The following CNTNAP4 variants were observed in gnomAD, a reference collection of about 807,000 sequenced individuals.
CNTNAP4 encodes the protein contactin-associated protein-like 4.
A neutral mutation model predicts 148.4 loss-of-function variants in CNTNAP4; 98 were observed. The ratio of observed to expected loss-of-function variants is 0.66; its 90% CI spans 0.56 to 0.78. CNTNAP4 has a LOEUF of 0.78. Among genes scored for constraint, CNTNAP4 ranks in the 30% least tolerant of loss-of-function variants. The pLI is 0.00. For missense variants in CNTNAP4, 1,935 were observed against 1,565.6 expected, an observed-to-expected ratio of 1.24 and a Z score of -3.98; for synonymous variants, 730 against 565.1, an observed-to-expected ratio of 1.29 and a Z score of -4.14.
chr16:76,414,029 A>G (rs62051227), intron 3 of CNTNAP4, among the ~76,000 whole-genome samples: 52,855 of 150,978 alleles, frequency 0.35, 10,887 homozygotes, highest in Non-Finnish European at 0.44. Context: ...TTCCTTTCCA[A>G]TCCTACTACC....
intron 8 of CNTNAP4, among the ~76,000 whole-genome samples, chr16:76,453,628 A>G (rs1597593361): frequency 6.6e-6 from 1 of 152,172 alleles, no homozygotes; most frequent in Admixed American, 6.5e-5. Context: ...CTACTCCTCT[A>G]TATTAAGTAT....
intron 21 of CNTNAP4, among the ~76,000 whole-genome samples, chr16:76,549,542 A>G (rs2084876007): frequency 6.6e-6 from 1 of 152,206 alleles, no homozygotes; most frequent in South Asian, 2.1e-4. Context: ...AACTAAACCA[A>G]AATGATTTTC....
chr16:76,451,510 A>T (rs921162172), intron 7 of CNTNAP4, among the ~76,000 whole-genome samples: 17 of 152,266 alleles, frequency 1.1e-4, no homozygotes, highest in Middle Eastern at 6.8e-3. Context: ...GGTGGTATTT[A>T]TATGACCACA....
intron 17 of CNTNAP4, among the ~76,000 whole-genome samples, chr16:76,531,439 G>T (rs928136234): frequency 2.0e-5 from 3 of 152,126 alleles, no homozygotes; most frequent in African/African-American, 7.2e-5. Flanking sequence ...TGCATAAGTG[G>T]ACAGGTTCAG....
At chr16:76,278,721 C>T (rs1273883482) in intron 1 of CNTNAP4, among the ~76,000 whole-genome samples, 1 of 152,122 alleles carries the variant, frequency 6.6e-6, no homozygotes, top group African/African-American at 2.4e-5. Flanking sequence ...GAGGCCTGTC[C>T]AGGAATTTAT....
intron 15 of CNTNAP4, among the ~76,000 whole-genome samples, chr16:76,503,436 A>G (rs972890874): frequency 6.6e-6 from 1 of 152,236 alleles, no homozygotes; most frequent in Admixed American, 6.5e-5. Context: ...TACAGGTAAC[A>G]TGACTTTCTA....
intron 9 of CNTNAP4, among the ~76,000 whole-genome samples, chr16:76,465,262 G>A (rs897739177): frequency 6.6e-6 from 1 of 152,130 alleles, no homozygotes; most frequent in Non-Finnish European, 1.5e-5. Flanking sequence ...CTCAAATTGG[G>A]CTCAGTGCTG....
intron 1 of CNTNAP4, among the ~76,000 whole-genome samples, chr16:76,296,077 A>G (rs902527994): frequency 6.6e-6 from 1 of 152,146 alleles, no homozygotes; most frequent in East Asian, 1.9e-4. Flanking sequence ...CTTTTTTGAG[A>G]TTGTGTGTGA....
intron 3 of CNTNAP4, among the ~76,000 whole-genome samples, chr16:76,391,295 C>T (rs1020765418): frequency 6.6e-6 from 1 of 152,104 alleles, no homozygotes; most frequent in Non-Finnish European, 1.5e-5. Context: ...CTCAAATGTT[C>T]GCATTTGACG....
At chr16:76,428,479 C>T (rs989209111) in intron 4 of CNTNAP4, among the ~76,000 whole-genome samples, 6 of 151,412 alleles carry the variant, frequency 4.0e-5, no homozygotes, top group South Asian at 2.1e-4. Flanking sequence ...TTCATACATA[C>T]GCTGTCACTT....
At chr16:76,358,513 G>C (rs530010960) in intron 3 of CNTNAP4, among the ~76,000 whole-genome samples, 2 of 152,290 alleles carry the variant, frequency 1.3e-5, no homozygotes, top group Admixed American at 1.3e-4. Flanking sequence ...GGCTTACATA[G>C]GTCTTGAAGA....
At chr16:76,454,268 C>G (rs534838061) in intron 8 of CNTNAP4, among the ~76,000 whole-genome samples, 1 of 152,210 alleles carries the variant, frequency 6.6e-6, no homozygotes, top group South Asian at 2.1e-4. Context: ...GCATGTGCCA[C>G]CACACCCAGC....
At chr16:76,387,401 T>C (rs2016604796) in intron 3 of CNTNAP4, among the ~76,000 whole-genome samples, 1 of 152,236 alleles carries the variant, frequency 6.6e-6, no homozygotes, top group African/African-American at 2.4e-5. Flanking sequence ...ACTGATTGAC[T>C]GATTTTGTAA....
chr16:76,336,388 CAGA>C lies in CNTNAP4; in HGVS notation c.197-18927_197-18925del, dbSNP rs548737768. Among the ~76,000 whole-genome samples the C allele has an allele frequency of 3.9e-4, 60 of 152,282 alleles. 1 individual carries two copies. In the South Asian group the frequency reaches 0.011, roughly 27 times the overall value. On this transcript the variant is annotated intron_variant, in intron 2 of 23. Transcript: ENST00000611870. ...CAAGTTGTTAGCTTGAAATCTTCCA[CAGA>C]AGGAGCATTTACACCACGGGAATTG...
At chr16:76,496,625 C>A (rs188265582) in intron 14 of CNTNAP4, among the ~76,000 whole-genome samples, 58 of 152,186 alleles carry the variant, frequency 3.8e-4, no homozygotes, top group African/African-American at 1.3e-3. Context: ...ACACAGGCTC[C>A]ACCTAATGAA....
intron 3 of CNTNAP4, among the ~76,000 whole-genome samples, chr16:76,416,912 A>G (rs916130357): frequency 6.6e-6 from 1 of 151,418 alleles, no homozygotes; most frequent in African/African-American, 2.4e-5. Flanking sequence ...CACAGTTAGG[A>G]TTATTTTACC....
chr16:76,460,904 GGGGAAATACAGAGTTA>G (rs1392639672), intron 8 of CNTNAP4, among the ~76,000 whole-genome samples: 4 of 150,288 alleles, frequency 2.7e-5, no homozygotes, highest in African/African-American at 9.8e-5. Context: ...TTTGCTCCTG[GGGGAAATACAGAGTTA>G]GGTTCCTGGG....
chr16:76,305,714 C>A (rs72794944), intron 1 of CNTNAP4, among the ~76,000 whole-genome samples: 1,728 of 152,190 alleles, frequency 0.011, 15 homozygotes, highest in South Asian at 0.022. Context: ...TATTTAGATA[C>A]AGGGGGTACA....
intron 12 of CNTNAP4, among the ~76,000 whole-genome samples, chr16:76,486,582 C>T (rs1040146641): frequency 5.9e-5 from 9 of 152,014 alleles, no homozygotes; most frequent in African/African-American, 1.9e-4. Context: ...TGGCAACCTA[C>T]GTTAAAGGAT....
Sources: allele counts gnomAD v4.1 joint callset (sites outside exome capture counted in the v4.1 genomes callset), GRCh38; gene constraint gnomAD v4.1.1; transcripts MANE v1.5; gene names NCBI Gene and HGNC (gene_info 2026-07-23, HGNC 2026-07-21).